SYT9: variants seen among roughly 807,000 people sequenced by gnomAD.
SYT9 encodes the protein synaptotagmin-9.
In SYT9, 22 loss-of-function variants were observed where a neutral mutation model predicts 48.4. That is an observed-to-expected ratio of 0.45 (90% confidence interval 0.32 to 0.65). SYT9 has a LOEUF of 0.65. Among genes scored for constraint, SYT9 ranks in the 30% least tolerant of loss-of-function variants. SYT9 has a pLI of 0.03. For missense variants in SYT9, 577 were observed against 622.0 expected (o/e 0.93, Z 0.77); for synonymous variants, 265 against 245.0 (o/e 1.08, Z -0.76).
At chr11:7,463,843 TGGCTAATTACACACAC>T (rs1364071631) in intron 6 of SYT9, among the ~76,000 whole-genome samples, 2 of 152,230 alleles carry the variant, frequency 1.3e-5, no homozygotes, top group African/African-American at 4.8e-5. Context: ...ACCTTGATTC[TGGCTAATTACACACAC>T]AAGGAAATTC....
intron 1 of SYT9, among the ~76,000 whole-genome samples, chr11:7,284,644 C>T (rs190507089): frequency 3.0e-4 from 45 of 152,066 alleles, no homozygotes; most frequent in Non-Finnish European, 4.7e-4. Flanking sequence ...TCTGATATTT[C>T]ATAGCAGTGT....
At chr11:7,337,253 A>C (rs770376830) in intron 3 of SYT9, among the ~76,000 whole-genome samples, 3 of 152,098 alleles carry the variant, frequency 2.0e-5, no homozygotes, top group Non-Finnish European at 4.4e-5. Flanking sequence ...GGGGCCAAAA[A>C]GATGGATTTT....
chr11:7,449,876 T>G (rs180996221), intron 6 of SYT9, among the ~76,000 whole-genome samples: 13 of 152,214 alleles, frequency 8.5e-5, no homozygotes, highest in African/African-American at 3.1e-4. Context: ...GGTGGGCCCC[T>G]GCTCTTCCCA....
chr11:7,264,964 T>C (rs900691479), intron 1 of SYT9, among the ~76,000 whole-genome samples: 1 of 152,014 alleles, frequency 6.6e-6, no homozygotes, highest in Non-Finnish European at 1.5e-5. Flanking sequence ...CAATATGAGA[T>C]TTAAAGCTGG....
chr11:7,323,684 G>A (rs965228174), intron 3 of SYT9, among the ~76,000 whole-genome samples: 1 of 151,922 alleles, frequency 6.6e-6, no homozygotes, highest in African/African-American at 2.4e-5. Context: ...ATCTTTTAAA[G>A]TAATAAATTA....
intron 1 of SYT9, among the ~76,000 whole-genome samples, chr11:7,276,415 C>A (rs1848394421): frequency 6.6e-6 from 1 of 152,146 alleles, no homozygotes; most frequent in Non-Finnish European, 1.5e-5. Context: ...GCAGATGTGA[C>A]CCTGCTGTTT....
At chr11:7,325,886 CT>C (rs1849423958) in intron 3 of SYT9, among the ~76,000 whole-genome samples, 1 of 51,048 alleles carries the variant, frequency 2.0e-5, no homozygotes, top group Admixed American at 2.1e-4. Flanking sequence ...GGTTTTTGTC[CT>C]TGGCTCTGTT....
chr11:7,305,475 A>G (rs1390772303), intron 2 of SYT9, among the ~76,000 whole-genome samples: 3 of 152,208 alleles, frequency 2.0e-5, no homozygotes, highest in Admixed American at 6.5e-5. Context: ...TAATTCTTTG[A>G]GGATTGTGTT....
chr11:7,436,877 G>A (rs2098168644), intron 6 of SYT9, among the ~76,000 whole-genome samples: 1 of 152,206 alleles, frequency 6.6e-6, no homozygotes, highest in Non-Finnish European at 1.5e-5. Context: ...TCGAGCTGCT[G>A]AGCTTGAGCA....
At chr11:7,390,334 CTG>C (rs1053509503) in intron 3 of SYT9, among the ~76,000 whole-genome samples, 11 of 152,092 alleles carry the variant, frequency 7.2e-5, no homozygotes, top group African/African-American at 2.7e-4. Flanking sequence ...TAGTATTCCA[CTG>C]TGTATAAATA....
At chr11:7,395,698 T>C in intron 3 of SYT9, among the ~76,000 whole-genome samples, 1 of 152,192 alleles carries the variant, frequency 6.6e-6, no homozygotes, top group East Asian at 1.9e-4. Context: ...GTAATAGATT[T>C]TTCTCCATCC....
At chr11:7,400,219 A>C (rs1462846286) in intron 3 of SYT9, among the ~76,000 whole-genome samples, 1 of 152,238 alleles carries the variant, frequency 6.6e-6, no homozygotes, top group African/African-American at 2.4e-5. Context: ...TGCTGTTGCC[A>C]GTGCTTGGAA....
chr11:7,438,562 G>A (rs557470365), intron 6 of SYT9: 40 of 152,628 alleles, frequency 2.6e-4, no homozygotes, highest in African/African-American at 9.1e-4. Flanking sequence ...TGGTGCCCAG[G>A]TTTTCTCTGC....
intron 2 of SYT9, among the ~76,000 whole-genome samples, chr11:7,308,730 A>G (rs1340812483): frequency 6.6e-6 from 1 of 152,158 alleles, no homozygotes; most frequent in Non-Finnish European, 1.5e-5. Flanking sequence ...ACCCGCCTGG[A>G]CAGCCATTTT....
At chr11:7,414,443 T>G (rs74836036) in intron 3 of SYT9, among the ~76,000 whole-genome samples, 1,780 of 152,316 alleles carry the variant, frequency 0.012, 41 homozygotes, top group African/African-American at 0.04. Flanking sequence ...AGCAGGAGGC[T>G]GGGTCAATCC....
intron 3 of SYT9, among the ~76,000 whole-genome samples, chr11:7,321,408 CT>C (rs1470107771): frequency 1.3e-5 from 2 of 152,178 alleles, no homozygotes; most frequent in East Asian, 3.8e-4. Context: ...GTCCAGAGTG[CT>C]TGCTCTTCAT....
At chr11:7,341,302 T>G (rs1849708205) in intron 3 of SYT9, among the ~76,000 whole-genome samples, 1 of 152,200 alleles carries the variant, frequency 6.6e-6, no homozygotes, top group Non-Finnish European at 1.5e-5. Context: ...ATGCTTCTGA[T>G]ATGCGTTGGC....
intron 3 of SYT9, among the ~76,000 whole-genome samples, chr11:7,381,912 C>T (rs1021036406): frequency 2.0e-5 from 3 of 152,134 alleles, no homozygotes; most frequent in South Asian, 2.1e-4. Context: ...GCCACTGGTA[C>T]TCCAGAAGCC....
intron 3 of SYT9, among the ~76,000 whole-genome samples, chr11:7,381,186 ATGT>A (rs1850556122): frequency 6.6e-6 from 1 of 152,166 alleles, no homozygotes; most frequent in Admixed American, 6.6e-5. Flanking sequence ...AGCTTACCAG[ATGT>A]TGTGTCAAGG....
Sources: gnomAD v4.1 joint callset for allele counts (sites outside exome capture counted in the v4.1 genomes callset) on GRCh38, gnomAD v4.1.1 for gene constraint, MANE v1.5 for transcripts, NCBI Gene and HGNC (gene_info 2026-07-23, HGNC 2026-07-21) for gene names.